The following ADAMTSL1 variants were observed in gnomAD, a reference collection of about 807,000 sequenced individuals.
ADAMTSL1 encodes ADAMTS-like protein 1.
In ADAMTSL1, 126 loss-of-function variants were observed where a neutral mutation model predicts 201.8. That is an observed-to-expected ratio of 0.62 (90% CI 0.54 to 0.72). The LOEUF is 0.72. Among genes scored for constraint, ADAMTSL1 ranks in the 30% least tolerant of loss-of-function variants. The pLI, the probability that ADAMTSL1 is intolerant of heterozygous loss-of-function variation, is 0.00. For synonymous variants in ADAMTSL1, 1,121 were observed against 903.4 expected (o/e 1.24, Z -4.32); for missense variants, 2,679 against 2,277.8 (o/e 1.18, Z -3.59).
intron 2 of ADAMTSL1, among the ~76,000 whole-genome samples, chr9:18,399,564 T>A (rs1049150448): frequency 6.6e-5 from 10 of 151,492 alleles, no homozygotes; most frequent in Admixed American, 1.3e-4. Context: ...TGAACCAGGC[T>A]GGTCTCGAAC....
chr9:18,016,954 A>G (rs373523995), intron 1 of ADAMTSL1, among the ~76,000 whole-genome samples: 1 of 152,040 alleles, frequency 6.6e-6, no homozygotes, highest in East Asian at 1.9e-4. Flanking sequence ...ATACACTTTC[A>G]TACTAGTTGG....
At chr9:18,426,588 C>G (rs1033715164) in intron 2 of ADAMTSL1, among the ~76,000 whole-genome samples, 2 of 152,054 alleles carry the variant, frequency 1.3e-5, no homozygotes, top group Non-Finnish European at 2.9e-5. Flanking sequence ...AGTTCATTTT[C>G]TGCTTGTGAG....
rs555106350 is a variant in ADAMTSL1 at position 18,818,435 on chromosome 9, G to A, written c.3934+1198G>A. Reference sequence around the variant, plus strand: ...AGTAGGAGGAATATCTTAACCTAGGGCTTACTGTTTCCGAATAACAGCCAA... The same window carrying A: ...AGTAGGAGGAATATCTTAACCTAGGACTTACTGTTTCCGAATAACAGCCAA... On this transcript the variant is annotated intron_variant, in intron 21 of 28. Coordinates refer to ENST00000380548, the MANE Select transcript of ADAMTSL1 (RefSeq NM_001040272.6). Among the ~76,000 whole-genome samples the A allele has an allele frequency of 1.2e-4, 19 of 152,198 alleles. No homozygotes were observed. The South Asian group carries it at 2.9e-3, about 23-fold the overall frequency.
intron 1 of ADAMTSL1, among the ~76,000 whole-genome samples, chr9:18,020,518 C>G (rs760203999): frequency 1.3e-5 from 2 of 152,048 alleles, no homozygotes; most frequent in Non-Finnish European, 2.9e-5. Context: ...CCAGTCCAGT[C>G]AAGCCTTCAC....
At chr9:18,365,876 A>T (rs1190388070) in intron 2 of ADAMTSL1, among the ~76,000 whole-genome samples, 1 of 152,090 alleles carries the variant, frequency 6.6e-6, no homozygotes, top group Non-Finnish European at 1.5e-5. Context: ...TTCTTACAGG[A>T]GTGTGAACCC....
chr9:17,945,220 C>G (rs916389137), intron 1 of ADAMTSL1, among the ~76,000 whole-genome samples: 27 of 143,222 alleles, frequency 1.9e-4, no homozygotes, highest in African/African-American at 6.6e-4. Context: ...AAAAAATGCT[C>G]ACCATCACTG....
At chr9:18,648,032 G>T (rs1282201486) in intron 7 of ADAMTSL1, among the ~76,000 whole-genome samples, 1 of 149,028 alleles carries the variant, frequency 6.7e-6, no homozygotes. Flanking sequence ...AAGTCTCTTT[G>T]TAGGTCACTC....
At chr9:18,553,816 C>A (rs1316431876) in intron 3 of ADAMTSL1, among the ~76,000 whole-genome samples, 2 of 151,778 alleles carry the variant, frequency 1.3e-5, no homozygotes, top group East Asian at 3.9e-4. Context: ...TTTCCTGTAT[C>A]TTTTCTGCCT....
chr9:18,586,192 A>G (rs72688628), intron 4 of ADAMTSL1, among the ~76,000 whole-genome samples: 628 of 152,312 alleles, frequency 4.1e-3, no homozygotes, highest in Non-Finnish European at 6.6e-3. Context: ...AGAAAACCAC[A>G]TGGGCTCAAC....
intron 1 of ADAMTSL1, among the ~76,000 whole-genome samples, chr9:18,105,233 G>T (rs1047568201): frequency 3.9e-5 from 6 of 151,978 alleles, no homozygotes; most frequent in Non-Finnish European, 7.4e-5. Flanking sequence ...CCTAACTTTC[G>T]GTGTCTCTAT....
At chr9:18,798,064 C>A (rs936303447) in intron 20 of ADAMTSL1, among the ~76,000 whole-genome samples, 6 of 150,994 alleles carry the variant, frequency 4.0e-5, no homozygotes, top group Admixed American at 4.0e-4. Flanking sequence ...GGGTTTTTTC[C>A]TGGACTTTAG....
At chr9:18,274,439 G>A (rs750110938) in intron 2 of ADAMTSL1, among the ~76,000 whole-genome samples, 1 of 152,000 alleles carries the variant, frequency 6.6e-6, no homozygotes, top group African/African-American at 2.4e-5. Context: ...ATTATTTTCA[G>A]TTATAGAAAT....
rs138409129 is a variant in ADAMTSL1, at chr9:18,050,670, T to C, written c.88-113192T>C. 2.2e-3 allele frequency among the ~76,000 whole-genome samples: 332 copies of C among 152,278 alleles called. 2 individuals carry two copies. Among genetic ancestry groups the C allele is most frequent in the African/African-American group, 7.6e-3 (314 of 41,542 alleles). ...ATTTAAGTGTTGATTTTCAGACTTA[T>C]TTTATGGAAGTGTGCACTTTTTTGT... On this transcript the variant is annotated intron_variant, in intron 1 of 29. Coordinates refer to the ADAMTSL1 transcript ENST00000680146.
At chr9:18,525,006 A>G (rs1177275036) in intron 2 of ADAMTSL1, among the ~76,000 whole-genome samples, 1 of 152,218 alleles carries the variant, frequency 6.6e-6, no homozygotes, top group Non-Finnish European at 1.5e-5. Flanking sequence ...GAATAGTTTC[A>G]GAAGGAATGG....
chr9:18,730,791 G>T (rs476196), intron 15 of ADAMTSL1, among the ~76,000 whole-genome samples: 1,564 of 152,316 alleles, frequency 0.01, 17 homozygotes, highest in Non-Finnish European at 0.016. Flanking sequence ...CAGGCCGTGG[G>T]CTGCATGCTG....
intron 1 of ADAMTSL1, among the ~76,000 whole-genome samples, chr9:17,997,283 T>C (rs915677394): frequency 6.6e-6 from 1 of 152,114 alleles, no homozygotes; most frequent in African/African-American, 2.4e-5. Flanking sequence ...TTAATTGATA[T>C]TGATATTAAT....
chr9:18,517,793 G>C (rs945406732), intron 2 of ADAMTSL1, among the ~76,000 whole-genome samples: 5 of 152,186 alleles, frequency 3.3e-5, no homozygotes, highest in African/African-American at 1.2e-4. Context: ...TCTTAATCCA[G>C]TCTATCATTG....
intron 23 of ADAMTSL1, among the ~76,000 whole-genome samples, chr9:18,850,995 A>G (rs147967978): frequency 6.6e-6 from 1 of 152,172 alleles, no homozygotes; most frequent in East Asian, 1.9e-4. Context: ...AATAATTGCT[A>G]ATTTTTTTTT....
intron 2 of ADAMTSL1, among the ~76,000 whole-genome samples, chr9:18,443,910 A>T (rs1208759744): frequency 6.6e-6 from 1 of 152,128 alleles, no homozygotes; most frequent in African/African-American, 2.4e-5. Flanking sequence ...GTAGTAAACC[A>T]TTTTTTTATT....
Sources: gnomAD v4.1 joint callset for allele counts (sites outside exome capture counted in the v4.1 genomes callset) on GRCh38, gnomAD v4.1.1 for gene constraint, MANE v1.5 for transcripts, NCBI Gene and HGNC (gene_info 2026-07-23, HGNC 2026-07-21) for gene names.